ADAMTS6: variants seen among roughly 807,000 people sequenced by gnomAD.
ADAMTS6 encodes ADAM metallopeptidase with thrombospondin type 1 motif 6.
In ADAMTS6, 23 loss-of-function variants were observed where a neutral mutation model predicts 144.3. The ratio of observed to expected loss-of-function variants is 0.16; its 90% CI spans 0.11 to 0.23. The LOEUF is 0.23. Among genes scored for constraint, ADAMTS6 ranks in the 10% least tolerant of loss-of-function variants. ADAMTS6 has a pLI of 1.00. For missense variants in ADAMTS6, 999 were observed against 1,379.6 expected (o/e 0.72, Z 4.37); for synonymous variants, 444 against 457.5 (o/e 0.97, Z 0.38).
chr5:65,327,303 T>C (rs556624769), intron 9 of ADAMTS6, among the ~76,000 whole-genome samples: 2 of 152,288 alleles, frequency 1.3e-5, no homozygotes, highest in South Asian at 4.1e-4. Context: ...TAAAATGAGT[T>C]ACTCAGACTT....
At chr5:65,338,738 G>A (rs1747547330) in intron 7 of ADAMTS6, among the ~76,000 whole-genome samples, 1 of 152,054 alleles carries the variant, frequency 6.6e-6, no homozygotes, top group African/African-American at 2.4e-5. Flanking sequence ...CAGCCAAGAA[G>A]TCATGTGACC....
At chr5:65,155,743 C>A (rs1193062607) in intron 24 of ADAMTS6, among the ~76,000 whole-genome samples, 1 of 152,176 alleles carries the variant, frequency 6.6e-6, no homozygotes, top group Non-Finnish European at 1.5e-5. Context: ...CAGCAATATT[C>A]TTAGCATCTA....
intron 20 of ADAMTS6, among the ~76,000 whole-genome samples, chr5:65,211,462 C>T (rs569846546): frequency 1.3e-5 from 2 of 151,806 alleles, no homozygotes; most frequent in African/African-American, 4.8e-5. Flanking sequence ...ATTAGCCAGG[C>T]GTGTTGGTGG....
rs773263244 is a variant in ADAMTS6, at chr5:65,319,517, C to CAAA, written c.1223+9858_1223+9860dup. 7.7e-3 allele frequency among the ~76,000 whole-genome samples: 961 copies of CAAA among 124,572 alleles called. 20 individuals are homozygous for CAAA. The highest frequency in any genetic ancestry group is 0.01 in the Non-Finnish European group (595 of 59,022). 81.7% of individuals were successfully genotyped at this position (124,572 alleles called of 152,430 possible). A position where few individuals can be genotyped will look rare whatever the true frequency, so the allele number is the denominator to read the frequency against. On this transcript the variant is annotated intron_variant, in intron 9 of 24. Transcript: ENST00000381055. ...AAACATGGTGAAACCCCATATCTAC[C>CAAA]AAAAAAAAAAAAAATTTATATATAT...
chr5:65,404,366 A>G (rs1035493348), intron 7 of ADAMTS6, among the ~76,000 whole-genome samples: 1 of 152,000 alleles, frequency 6.6e-6, no homozygotes, highest in African/African-American at 2.4e-5. Context: ...TCATGGTTCA[A>G]TTGCCACCTA....
chr5:65,429,809 T>C (rs1022934391), intron 7 of ADAMTS6, among the ~76,000 whole-genome samples: 15 of 152,170 alleles, frequency 9.9e-5, no homozygotes, highest in East Asian at 5.8e-4. Flanking sequence ...ATATGAACAA[T>C]AGTTCTATTT....
At chr5:65,234,166 A>T (rs1414876678) in intron 15 of ADAMTS6, among the ~76,000 whole-genome samples, 1 of 151,942 alleles carries the variant, frequency 6.6e-6, no homozygotes, top group East Asian at 1.9e-4. Flanking sequence ...TTAAAGAATT[A>T]AACGTAAGAC....
intron 11 of ADAMTS6, among the ~76,000 whole-genome samples, chr5:65,281,816 T>C (rs1763008474): frequency 6.6e-6 from 1 of 152,086 alleles, no homozygotes. Context: ...AGAACTAAAA[T>C]AGGGCTTTTT....
chr5:65,397,721 AG>A (rs1753470604), intron 7 of ADAMTS6, among the ~76,000 whole-genome samples: 2 of 151,764 alleles, frequency 1.3e-5, no homozygotes, highest in East Asian at 3.9e-4. Context: ...TACAAAAAAA[AG>A]AAAAATCAGC....
chr5:65,384,918 C>T (rs1752364220), intron 7 of ADAMTS6, among the ~76,000 whole-genome samples: 1 of 152,184 alleles, frequency 6.6e-6, no homozygotes, highest in Non-Finnish European at 1.5e-5. Flanking sequence ...ATCAAGGGAG[C>T]AGCAGATGTG....
intron 20 of ADAMTS6, among the ~76,000 whole-genome samples, chr5:65,198,193 C>G (rs561453798): frequency 6.6e-6 from 1 of 152,174 alleles, no homozygotes; most frequent in Non-Finnish European, 1.5e-5. Context: ...GCTATTCCCC[C>G]ACTCACCCAC....
chr5:65,408,008 G>A (rs1754709391), intron 7 of ADAMTS6, among the ~76,000 whole-genome samples: 1 of 152,018 alleles, frequency 6.6e-6, no homozygotes, highest in Non-Finnish European at 1.5e-5. Context: ...CACTAAACAT[G>A]GAAAGGAACA....
chr5:65,299,492 T>C (rs760924216), intron 10 of ADAMTS6, among the ~76,000 whole-genome samples: 1 of 152,166 alleles, frequency 6.6e-6, no homozygotes. Context: ...GTTCTCAAAC[T>C]GTAGAAAAAT....
chr5:65,361,934 C>G (rs1433377247), intron 7 of ADAMTS6, among the ~76,000 whole-genome samples: 1 of 152,074 alleles, frequency 6.6e-6, no homozygotes, highest in East Asian at 1.9e-4. Flanking sequence ...AAGGTTTCAC[C>G]ACATTGCCCA....
intron 7 of ADAMTS6, among the ~76,000 whole-genome samples, chr5:65,375,823 A>G (rs1024282264): frequency 6.6e-5 from 10 of 152,148 alleles, no homozygotes; most frequent in African/African-American, 1.9e-4. Context: ...TATGTTTATT[A>G]CGGCATTATT....
intron 11 of ADAMTS6, among the ~76,000 whole-genome samples, chr5:65,276,746 T>A (rs149289340): frequency 6.6e-6 from 1 of 152,346 alleles, no homozygotes; most frequent in East Asian, 1.9e-4. Context: ...AAATGGATGC[T>A]GAAATTGTTT....
intron 7 of ADAMTS6, among the ~76,000 whole-genome samples, chr5:65,382,784 A>T (rs556609234): frequency 1.3e-5 from 2 of 152,326 alleles, no homozygotes; most frequent in Admixed American, 1.3e-4. Context: ...CACCATATCT[A>T]AGTATGCCCT....
At chr5:65,259,956 T>A (rs1438977791) in intron 14 of ADAMTS6, among the ~76,000 whole-genome samples, 1 of 152,150 alleles carries the variant, frequency 6.6e-6, no homozygotes, top group Non-Finnish European at 1.5e-5. Flanking sequence ...ATAAACATTG[T>A]CAATCCACTT....
chr5:65,203,383 G>A (rs1207921859), intron 20 of ADAMTS6, among the ~76,000 whole-genome samples: 1 of 152,084 alleles, frequency 6.6e-6, no homozygotes, highest in African/African-American at 2.4e-5. Flanking sequence ...AGAAAGACCT[G>A]TCTCTAGAAA....
Sources: allele counts gnomAD v4.1 joint callset (sites outside exome capture counted in the v4.1 genomes callset), GRCh38; gene constraint gnomAD v4.1.1; transcripts MANE v1.5; gene names NCBI Gene and HGNC (gene_info 2026-07-23, HGNC 2026-07-21).